The following ANKFN1 variants were observed in gnomAD, a reference collection of about 807,000 sequenced individuals.
ANKFN1 encodes the protein ankyrin repeat and fibronectin type III domain containing 1.
A neutral mutation model predicts 108.7 loss-of-function variants in ANKFN1; 74 were observed. The observed-to-expected ratio is 0.68, with a 90% CI of 0.56 to 0.83. ANKFN1 has a LOEUF of 0.83. ANKFN1 is among the 40% of genes least tolerant of loss of function. ANKFN1 has a pLI of 0.00. For synonymous variants in ANKFN1, 547 were observed against 516.2 expected (o/e 1.06, Z -0.81); for missense variants, 1,505 against 1,382.3 (o/e 1.09, Z -1.41).
chr17:56,222,040 T>A (rs567797515), intron 2 of ANKFN1, among the ~76,000 whole-genome samples: 1 of 152,328 alleles, frequency 6.6e-6, no homozygotes, highest in South Asian at 2.1e-4. Context: ...ATCTGCTTTT[T>A]ATCAGGGTCT....
rs571745361 is a variant in ANKFN1, at chr17:56,327,940, A to C, written c.188+1585A>C. Among the ~76,000 whole-genome samples the C allele has an allele frequency of 7.9e-4, 121 of 152,298 alleles. 1 individual carries two copies. Among genetic ancestry groups the C allele is most frequent in the Non-Finnish European group, 1.4e-3 (95 of 68,034 alleles). ...TGAGGGTTTATGTGAGGATGAGGGGATACATGTCCCTTCCCTCATCTAAGG... is the reference window on the plus strand; with the variant it reads ...TGAGGGTTTATGTGAGGATGAGGGGCTACATGTCCCTTCCCTCATCTAAGG... On this transcript the variant is annotated intron_variant, in intron 4 of 20. Coordinates refer to ENST00000682825, the MANE Select transcript of ANKFN1 (RefSeq NM_001370326.1).
At chr17:56,329,280 T>G (rs2045600749) in intron 4 of ANKFN1, among the ~76,000 whole-genome samples, 1 of 152,108 alleles carries the variant, frequency 6.6e-6, no homozygotes, top group African/African-American at 2.4e-5. Flanking sequence ...CAGAAAAACT[T>G]CATGGGGGCC....
At chr17:56,321,638 G>T (rs2045370617) in intron 3 of ANKFN1, among the ~76,000 whole-genome samples, 1 of 152,162 alleles carries the variant, frequency 6.6e-6, no homozygotes, top group Admixed American at 6.6e-5. Flanking sequence ...GGATTTTGCA[G>T]GGGAAAGTGG....
At chr17:56,225,020 G>T (rs189176685) in intron 2 of ANKFN1, 1 of 152,290 alleles carries the variant, frequency 6.6e-6, no homozygotes, top group East Asian at 1.9e-4. Context: ...GAGAGACTAG[G>T]CTTCCCTAGC....
chr17:56,319,850 C>T (rs1443736859), intron 3 of ANKFN1, among the ~76,000 whole-genome samples: 1 of 152,150 alleles, frequency 6.6e-6, no homozygotes, highest in Non-Finnish European at 1.5e-5. Context: ...TAATTATTTA[C>T]ATGTTTTTGA....
At chr17:56,213,574 A>T (rs1915196960) in intron 2 of ANKFN1, among the ~76,000 whole-genome samples, 1 of 152,160 alleles carries the variant, frequency 6.6e-6, no homozygotes, top group Non-Finnish European at 1.5e-5. Context: ...CCTCTTATCT[A>T]TTTAAGCTAT....
At chr17:56,194,145 G>A (rs565778246) in intron 1 of ANKFN1, among the ~76,000 whole-genome samples, 87 of 152,304 alleles carry the variant, frequency 5.7e-4, no homozygotes, top group African/African-American at 2.0e-3. Flanking sequence ...GGGATGTGGA[G>A]CAATAGGAAC....
At chr17:56,046,984 T>C (rs1421068745) in intron 4 of ANKFN1, among the ~76,000 whole-genome samples, 4 of 152,144 alleles carry the variant, frequency 2.6e-5, no homozygotes, top group Non-Finnish European at 5.9e-5. Context: ...TTTCCTTTCT[T>C]TTCTTTTTTT....
At chr17:56,089,785 T>G (rs1905378784) in intron 4 of ANKFN1, among the ~76,000 whole-genome samples, 1 of 151,268 alleles carries the variant, frequency 6.6e-6, no homozygotes, top group Admixed American at 6.6e-5. Context: ...AAGCCTGGTA[T>G]TCGAACTGCA....
chr17:56,467,881 C>T (rs2145301296), intron 15 of ANKFN1, among the ~76,000 whole-genome samples: 1 of 151,434 alleles, frequency 6.6e-6, no homozygotes, highest in East Asian at 1.9e-4. Flanking sequence ...AACTAGAGCT[C>T]AAAGAGGTTA....
chr17:56,480,899 G>T (rs950328101), intron 17 of ANKFN1, 81 bp downstream of exon 17: 12 of 1,299,760 alleles, frequency 9.2e-6, no homozygotes, highest in Non-Finnish European at 1.2e-5. Flanking sequence ...GTGTGTGTGT[G>T]TGTGTGTGTG....
chr17:56,463,784 G>A (rs994948178), intron 14 of ANKFN1: 8 of 152,114 alleles, frequency 5.3e-5, no homozygotes, highest in South Asian at 4.2e-4. Context: ...TTTGTTAAGG[G>A]GAGAAAAGAT....
intron 15 of ANKFN1, chr17:56,472,051 A>G (rs969108831): frequency 6.6e-6 from 1 of 152,192 alleles, no homozygotes; most frequent in African/African-American, 2.4e-5. Flanking sequence ...ATGAGTTATA[A>G]CTCAATTAAA....
chr17:56,088,035 G>A (rs1445513909), intron 4 of ANKFN1, among the ~76,000 whole-genome samples: 1 of 151,206 alleles, frequency 6.6e-6, no homozygotes, highest in East Asian at 1.9e-4. Context: ...AGGCATGAGA[G>A]GTTTTATTAA....
intron 8 of ANKFN1, among the ~76,000 whole-genome samples, chr17:56,398,112 A>G (rs1022919075): frequency 2.6e-5 from 4 of 152,142 alleles, no homozygotes; most frequent in Non-Finnish European, 5.9e-5. Flanking sequence ...CTTTATTTAT[A>G]TATTAATTAC....
At chr17:56,114,338 C>T (rs1423060955) in intron 4 of ANKFN1, among the ~76,000 whole-genome samples, 4 of 152,108 alleles carry the variant, frequency 2.6e-5, no homozygotes, top group Non-Finnish European at 1.5e-5. Flanking sequence ...ATTCACAGAA[C>T]AGAAAGTACA....
At chr17:56,353,341 A>G (rs1437408697) in intron 5 of ANKFN1, among the ~76,000 whole-genome samples, 1 of 151,378 alleles carries the variant, frequency 6.6e-6, no homozygotes, top group African/African-American at 2.4e-5. Flanking sequence ...GCAGGAGGTG[A>G]TCCTCCTGCC....
chr17:56,110,555 GA>G (rs1290314725), intron 4 of ANKFN1, among the ~76,000 whole-genome samples: 1 of 151,162 alleles, frequency 6.6e-6, no homozygotes. Context: ...CTTTCACCTG[GA>G]ATATAATAGG....
chr17:56,431,532 C>G (rs995352528), intron 8 of ANKFN1, among the ~76,000 whole-genome samples: 1 of 152,162 alleles, frequency 6.6e-6, no homozygotes, highest in Non-Finnish European at 1.5e-5. Context: ...TATGTCCACA[C>G]ATAAGTCAAA....
Sources: allele counts gnomAD v4.1 joint callset (sites outside exome capture counted in the v4.1 genomes callset), GRCh38; gene constraint gnomAD v4.1.1; transcripts MANE v1.5; gene names NCBI Gene and HGNC (gene_info 2026-07-23, HGNC 2026-07-21).